The following GRM1 variants were observed in gnomAD, a reference collection of about 807,000 sequenced individuals.
GRM1 encodes the protein metabotropic glutamate receptor 1.
A neutral mutation model predicts 90.9 loss-of-function variants in GRM1; 33 were observed. That is an observed-to-expected ratio of 0.36 (90% CI 0.28 to 0.49). GRM1 has a LOEUF of 0.49. GRM1 is among the 20% of genes least tolerant of loss of function. The pLI is 0.99. For missense variants in GRM1, 1,190 were observed against 1,534.3 expected (o/e 0.78, Z 3.75); for synonymous variants, 700 against 613.2 (o/e 1.14, Z -2.09).
At chr6:146,031,152 A>G (rs1192040699) in intron 1 of GRM1, among the ~76,000 whole-genome samples, 1 of 152,174 alleles carries the variant, frequency 6.6e-6, no homozygotes, top group Non-Finnish European at 1.5e-5. Context: ...AAGATTTTCT[A>G]GACTCTCTTC....
intron 2 of GRM1, among the ~76,000 whole-genome samples, chr6:146,285,589 A>G (rs1782734137): frequency 6.6e-6 from 1 of 152,202 alleles, no homozygotes; most frequent in Non-Finnish European, 1.5e-5. Context: ...AGGAAGAACT[A>G]TAATCTTTGA....
At chr6:146,111,680 T>A (rs910526102) in intron 1 of GRM1, among the ~76,000 whole-genome samples, 1 of 152,044 alleles carries the variant, frequency 6.6e-6, no homozygotes, top group Non-Finnish European at 1.5e-5. Flanking sequence ...ATTAGAGGAA[T>A]AGAGAGAAGG....
chr6:146,061,514 A>G (rs925637772), intron 1 of GRM1, among the ~76,000 whole-genome samples: 1 of 152,158 alleles, frequency 6.6e-6, no homozygotes, highest in Non-Finnish European at 1.5e-5. Context: ...AGAAACTATC[A>G]TAAGAGTAAA....
Position 146,159,479 on chromosome 6 carries a change from C to G in GRM1, c.832C>G (p.Arg278Gly). 1 of 1,614,200 alleles carries G rather than the reference C, an allele frequency of 6.2e-7. No individual in the cohort carries two copies. The highest frequency in any genetic ancestry group is 8.5e-7 in the Non-Finnish European group (1 of 1,180,022). The change falls in exon 2 of 8, where the codon CGA becomes GGA. Residue 278 changes from arginine to glycine, a missense_variant. Arg to Gly is a moderately radical substitution (Grantham distance 125). Around this residue, in one of 10 missense-constraint regions of GRM1, gnomAD observed 45 missense variants for 45.5 expected, o/e 0.99. Transcript: ENST00000282753. ...KSFDRLLRKL[R>G]ERLPKARVVV... ...CTTTGACCGACTCTTGCGCAAACTCCGAGAGAGGCTTCCCAAGGCTAGAGT... is the reference window on the plus strand; with the variant it reads ...CTTTGACCGACTCTTGCGCAAACTCGGAGAGAGGCTTCCCAAGGCTAGAGT...
intron 6 of GRM1, among the ~76,000 whole-genome samples, chr6:146,396,104 C>CT (rs1554307314): frequency 1.7e-4 from 25 of 146,998 alleles, no homozygotes; most frequent in Admixed American, 2.0e-4. Flanking sequence ...ATCTATCTAT[C>CT]GTCTATATAT....
chr6:146,331,638 C>A (rs1408726642), intron 3 of GRM1, among the ~76,000 whole-genome samples: 1 of 152,098 alleles, frequency 6.6e-6, no homozygotes, highest in Non-Finnish European at 1.5e-5. Flanking sequence ...TAGCATGCTG[C>A]TTACTAGGTA....
chr6:146,075,114 G>T (rs1224472246), intron 1 of GRM1, among the ~76,000 whole-genome samples: 2 of 152,082 alleles, frequency 1.3e-5, no homozygotes, highest in Non-Finnish European at 1.5e-5. Context: ...CTTCCTGATA[G>T]TGTTCCATCA....
At chr6:146,226,039 A>G (rs961818670) in intron 2 of GRM1, among the ~76,000 whole-genome samples, 1 of 152,158 alleles carries the variant, frequency 6.6e-6, no homozygotes, top group African/African-American at 2.4e-5. Context: ...TGAGTGTGAA[A>G]GAATGACTCT....
intron 1 of GRM1, among the ~76,000 whole-genome samples, chr6:146,100,939 A>C (rs545625797): frequency 6.6e-6 from 1 of 152,286 alleles, no homozygotes; most frequent in African/African-American, 2.4e-5. Context: ...TTTTAGGGAA[A>C]AAATGTTTTT....
chr6:146,363,146 A>C (rs181384144), intron 5 of GRM1, among the ~76,000 whole-genome samples: 1 of 152,318 alleles, frequency 6.6e-6, no homozygotes, highest in East Asian at 1.9e-4. Flanking sequence ...TTCTTTAAAA[A>C]AATTAAATTG....
intron 1 of GRM1, among the ~76,000 whole-genome samples, chr6:146,067,509 A>G (rs573384697): frequency 6.6e-6 from 1 of 152,280 alleles, no homozygotes; most frequent in East Asian, 1.9e-4. Context: ...GGAATAGGAC[A>G]GTTAAAGAAA....
At chr6:146,339,438 G>A (rs1209768944) in intron 3 of GRM1, among the ~76,000 whole-genome samples, 1 of 151,984 alleles carries the variant, frequency 6.6e-6, no homozygotes, top group African/African-American at 2.4e-5. Context: ...CAGACATTAA[G>A]AGCTCTGAAT....
chr6:146,292,090 G>A (rs1431398713), intron 2 of GRM1, among the ~76,000 whole-genome samples: 1 of 151,930 alleles, frequency 6.6e-6, no homozygotes, highest in African/African-American at 2.4e-5. Context: ...GAGAGGACTG[G>A]ATATCTGTAT....
At chr6:146,084,143 G>C (rs9390378) in intron 1 of GRM1, among the ~76,000 whole-genome samples, 41,746 of 151,480 alleles carry the variant, frequency 0.28, 6,114 homozygotes, top group Middle Eastern at 0.39. Flanking sequence ...TATTACTCTA[G>C]CTAGCAGTCT....
At chr6:146,074,284 A>T (rs1776111623) in intron 1 of GRM1, among the ~76,000 whole-genome samples, 1 of 152,046 alleles carries the variant, frequency 6.6e-6, no homozygotes, top group Non-Finnish European at 1.5e-5. Context: ...TGCAGGGTGT[A>T]CATTTCTGTG....
chr6:146,334,647 T>C (rs756586021), intron 3 of GRM1, among the ~76,000 whole-genome samples: 20 of 152,170 alleles, frequency 1.3e-4, no homozygotes, highest in Non-Finnish European at 2.4e-4. Context: ...AGAATGCAAA[T>C]CCACTGTATT....
chr6:146,205,473 C>T (rs1332887376), intron 2 of GRM1, among the ~76,000 whole-genome samples: 3 of 152,046 alleles, frequency 2.0e-5, no homozygotes, highest in Non-Finnish European at 4.4e-5. Flanking sequence ...AGTGGATATT[C>T]GAAAGGGTAA....
At chr6:146,190,097 T>C (rs1424744715) in intron 2 of GRM1, among the ~76,000 whole-genome samples, 1 of 151,982 alleles carries the variant, frequency 6.6e-6, no homozygotes, top group Non-Finnish European at 1.5e-5. Context: ...ATTGAAGAAA[T>C]GGGAATGAAT....
intron 1 of GRM1, among the ~76,000 whole-genome samples, chr6:146,048,637 T>C (rs904574665): frequency 3.9e-5 from 6 of 151,946 alleles, no homozygotes; most frequent in African/African-American, 1.4e-4. Context: ...AATGGTAAAG[T>C]TAAAATGATA....
Sources: allele counts gnomAD v4.1 joint callset (sites outside exome capture counted in the v4.1 genomes callset), GRCh38; gene constraint gnomAD v4.1.1; regional missense constraint gnomAD v4.1.1; transcripts MANE v1.5; gene names NCBI Gene and HGNC (gene_info 2026-07-23, HGNC 2026-07-21).